The following RARB variants were observed in gnomAD, a reference collection of about 807,000 sequenced individuals.
RARB encodes the protein HBV-activated protein.
A neutral mutation model predicts 51.9 loss-of-function variants in RARB; 17 were observed. The ratio of observed to expected loss-of-function variants is 0.33; its 90% confidence interval spans 0.22 to 0.49. RARB has a LOEUF of 0.49. Among genes scored for constraint, RARB ranks in the 20% least tolerant of loss-of-function variants. The pLI is 0.99. For missense variants in RARB, 369 were observed against 550.8 expected (o/e 0.67, Z 3.30); for synonymous variants, 215 against 195.4 (o/e 1.10, Z -0.84).
Position 25,520,844 on chromosome 3 carries a change from G to T in RARB, c.448+19521G>T, listed in dbSNP as rs576039640. Among the ~76,000 whole-genome samples the T allele has an allele frequency of 2.6e-5, 4 of 152,084 alleles. No homozygotes were observed. The South Asian group carries it at 6.2e-4, about 24-fold the overall frequency. On this transcript the variant is annotated intron_variant, in intron 3 of 7. Coordinates refer to ENST00000330688, the MANE Select transcript of RARB (RefSeq NM_000965.5). ...GAAGCCTTTAATAAACTACCAAAAA[G>T]GTATGTAAAGCAAATTCCCTTAAGC... is the stretch of plus-strand genomic sequence containing the variant.
At chr3:25,267,927 G>A (rs1016293619) in intron 5 of RARB, among the ~76,000 whole-genome samples, 18 of 152,248 alleles carry the variant, frequency 1.2e-4, no homozygotes, top group African/African-American at 2.2e-4. Context: ...AAATGTGTAC[G>A]CATAATGTTG....
chr3:25,137,261 T>G (rs1411331087), intron 4 of RARB, among the ~76,000 whole-genome samples: 2 of 152,088 alleles, frequency 1.3e-5, no homozygotes, highest in African/African-American at 4.8e-5. Flanking sequence ...ATTTTTAATG[T>G]AGCTGGAATT....
intron 2 of RARB, among the ~76,000 whole-genome samples, chr3:25,009,558 G>C (rs1697349831): frequency 6.6e-6 from 1 of 152,026 alleles, no homozygotes; most frequent in Admixed American, 6.6e-5. Flanking sequence ...ATTCCCTTAG[G>C]AGTAGGTGTC....
chr3:25,032,563 A>C (rs758351997), intron 2 of RARB, among the ~76,000 whole-genome samples: 3 of 152,256 alleles, frequency 2.0e-5, no homozygotes, highest in Non-Finnish European at 4.4e-5. Flanking sequence ...TGTTCACTAT[A>C]AACAACACTG....
chr3:25,103,527 G>T (rs763959526), intron 3 of RARB, among the ~76,000 whole-genome samples: 2 of 152,176 alleles, frequency 1.3e-5, no homozygotes, highest in African/African-American at 4.8e-5. Flanking sequence ...TTTTAAAAGC[G>T]TACTAATTCA....
At chr3:25,094,035 A>C (rs1320915844) in intron 3 of RARB, among the ~76,000 whole-genome samples, 2 of 152,220 alleles carry the variant, frequency 1.3e-5, no homozygotes, top group Non-Finnish European at 2.9e-5. Context: ...CCTGAGGAGC[A>C]AACTAGCTTG....
chr3:25,119,329 TG>T (rs1278271390), intron 3 of RARB, among the ~76,000 whole-genome samples: 2 of 152,270 alleles, frequency 1.3e-5, no homozygotes, highest in East Asian at 3.9e-4. Context: ...TTCAGAAGTT[TG>T]AACCCTTGTT....
chr3:25,040,985 A>G (rs1418747558), intron 2 of RARB, among the ~76,000 whole-genome samples: 1 of 152,198 alleles, frequency 6.6e-6, no homozygotes, highest in Non-Finnish European at 1.5e-5. Context: ...TGCTGTATCA[A>G]CGGAAATCCA....
At chr3:25,501,026 T>C (rs1052211814) in intron 2 of RARB, among the ~76,000 whole-genome samples, 156 bp from the exon 3 acceptor site, 1 of 152,182 alleles carries the variant, frequency 6.6e-6, no homozygotes, top group Non-Finnish European at 1.5e-5. Flanking sequence ...ACTATTGATA[T>C]CTCACGAGGA....
chr3:25,153,921 T>C (rs1167844969), intron 4 of RARB, among the ~76,000 whole-genome samples: 1 of 152,246 alleles, frequency 6.6e-6, no homozygotes, highest in African/African-American at 2.4e-5. Flanking sequence ...AAATTGGAGC[T>C]CAGATCCTGT....
intron 5 of RARB, among the ~76,000 whole-genome samples, chr3:25,334,311 A>T (rs1704995796): frequency 6.6e-6 from 1 of 152,248 alleles, no homozygotes; most frequent in African/African-American, 2.4e-5. Context: ...GGATTAAGAA[A>T]ATGTGGCACA....
chr3:24,868,294 G>A (rs76897961), intron 2 of RARB, among the ~76,000 whole-genome samples: 7,385 of 152,096 alleles, frequency 0.049, 320 homozygotes, highest in East Asian at 0.16. Flanking sequence ...AGAATAGAAG[G>A]CACCTCAGAA....
intron 2 of RARB, among the ~76,000 whole-genome samples, chr3:24,999,755 T>C (rs1490542864): frequency 1.3e-5 from 2 of 152,118 alleles, no homozygotes; most frequent in Non-Finnish European, 2.9e-5. Flanking sequence ...AAGGGGTAGA[T>C]TGCACTTTAC....
At chr3:25,020,317 C>G (rs13087453) in intron 2 of RARB, 16,037 of 151,824 alleles carry the variant, frequency 0.11, 943 homozygotes, top group South Asian at 0.2. Flanking sequence ...GTCCTCTGCT[C>G]CTGAGAGGTC....
intron 4 of RARB, among the ~76,000 whole-genome samples, chr3:25,167,066 G>A (rs1461331583): frequency 6.6e-6 from 1 of 152,160 alleles, no homozygotes; most frequent in East Asian, 1.9e-4. Context: ...TGCCAATTTA[G>A]ATATTGATTT....
upstream of RARB, among the ~76,000 whole-genome samples, chr3:25,427,450 G>A (rs564600714): frequency 1.3e-5 from 2 of 152,292 alleles, no homozygotes; most frequent in South Asian, 4.1e-4. Context: ...GGCAGACCTG[G>A]AATTGGAATC....
chr3:24,959,837 G>T (rs1011688707), intron 2 of RARB, among the ~76,000 whole-genome samples: 2 of 152,194 alleles, frequency 1.3e-5, no homozygotes, highest in Non-Finnish European at 1.5e-5. Context: ...TAAGCACTTT[G>T]TTTATAGTCA....
At chr3:25,219,911 A>G (rs1380050648) in intron 5 of RARB, among the ~76,000 whole-genome samples, 1 of 152,238 alleles carries the variant, frequency 6.6e-6, no homozygotes, top group Non-Finnish European at 1.5e-5. Flanking sequence ...ATGGAAGTAA[A>G]TCTGCATAAT....
At chr3:25,371,511 G>A (rs1333036330) in intron 5 of RARB, among the ~76,000 whole-genome samples, 1 of 152,204 alleles carries the variant, frequency 6.6e-6, no homozygotes, top group Non-Finnish European at 1.5e-5. Flanking sequence ...TTTCTGATTT[G>A]CTGATTATTG....
Sources: gnomAD v4.1 joint callset for allele counts (sites outside exome capture counted in the v4.1 genomes callset) on GRCh38, gnomAD v4.1.1 for gene constraint, MANE v1.5 for transcripts, NCBI Gene and HGNC (gene_info 2026-07-23, HGNC 2026-07-21) for gene names.